ASPHD2: variants seen among roughly 807,000 people sequenced by gnomAD.
ASPHD2 encodes the protein aspartate beta-hydroxylase domain-containing protein 2.
A neutral mutation model predicts 34.6 loss-of-function variants in ASPHD2; 12 were observed. That is an observed-to-expected ratio of 0.35 (90% CI 0.22 to 0.56). ASPHD2 has a LOEUF of 0.56. ASPHD2 is among the 20% of genes least tolerant of loss of function. The pLI is 0.87. For missense variants in ASPHD2, 375 were observed against 505.0 expected (o/e 0.74, Z 2.47); for synonymous variants, 224 against 212.2 (o/e 1.06, Z -0.48).
chr22:26,433,391 G>T lies in ASPHD2; in HGVS notation c.-224-1G>T. The T allele has an allele frequency of 1.8e-6, 1 of 545,274 alleles. No homozygotes were observed. The highest frequency in any genetic ancestry group is 2.6e-5 in the South Asian group (1 of 38,852). The allele number at this position is 545,274 out of a possible 1,614,324, so 33.8% of individuals were successfully genotyped here. ...ATGCTGATTTTTTTTTTCCATCCCA[G>T]GTTTGGTTTTCCTAAACAAATCCTT... On this transcript the variant is annotated splice_acceptor_variant, in intron 1 of 3. Coordinates refer to ENST00000215906, the MANE Select transcript of ASPHD2 (RefSeq NM_020437.5). LOFTEE classifies it low-confidence loss of function (5UTR_SPLICE). The surrounding 1 kb of genome is among the most constrained non-coding windows in gnomAD (Gnocchi z 5.1).
At chr22:26,432,047 T>A (rs2084759841) in intron 1 of ASPHD2, among the ~76,000 whole-genome samples, 1 of 152,120 alleles carries the variant, frequency 6.6e-6, no homozygotes, top group East Asian at 1.9e-4. Context: ...AATACAAAAT[T>A]AGCTGGGTGT....
At chr22:26,440,764 G>A (rs1273200965) in intron 2 of ASPHD2, among the ~76,000 whole-genome samples, 3 of 152,184 alleles carry the variant, frequency 2.0e-5, no homozygotes, top group African/African-American at 7.2e-5. Context: ...CCTCAAAACG[G>A]ATTAAAAGGC....
In ASPHD2 at chr22:26,433,627, G is replaced by T; in HGVS notation, c.12G>T (p.Ala4=). 1.2e-6 allele frequency: 2 copies of T among 1,613,526 alleles called. No homozygotes were observed. Among genetic ancestry groups the T allele is most frequent in the Non-Finnish European group, 8.5e-7 (1 of 1,179,836 alleles). The change falls in exon 2 of 4, where the codon GCG becomes GCT. Residue 4 remains alanine, a synonymous_variant. Coordinates refer to ENST00000215906, the MANE Select transcript of ASPHD2 (RefSeq NM_020437.5). The surrounding 1 kb of genome is among the most constrained non-coding windows in gnomAD (Gnocchi z 5.1). MVW[A]PLGPPRTDCL... ...CCACGCTAATCTGCATGGTGTGGGC[G>T]CCCTTGGGACCCCCGAGGACTGATT...
chr22:26,432,566 G>GA (rs1392573024), intron 1 of ASPHD2, among the ~76,000 whole-genome samples: 1 of 152,194 alleles, frequency 6.6e-6, no homozygotes, highest in Non-Finnish European at 1.5e-5. Context: ...TTAGGACAAT[G>GA]AGAGTTCCGG....
At position 26,433,921 on chromosome 22, in the gene ASPHD2, G is replaced by C; in HGVS notation, c.306G>C (p.Gln102His). 6.2e-7 allele frequency: 1 copy of C among 1,613,622 alleles called. No individual in the cohort carries two copies. Among genetic ancestry groups the C allele is most frequent in the South Asian group, 1.1e-5 (1 of 91,088 alleles). ...AGGCTGCCGATGCCAACGGGCTGCA[G>C]AATGGCTACGTGTACTGCCAGTCCC... ...LMQAADANGL[Q>H]NGYVYCQSPE... Residue 102 changes from glutamine (Q) to histidine (H), a missense_variant, in exon 2 of 4, where the codon CAG (glutamine) becomes CAC (histidine). This residue lies in a region of ASPHD2 where 223 missense variants were observed against 257.8 expected (regional missense o/e 0.87). Transcript: ENST00000215906. This position sits in a 1 kb window ranked among gnomAD's most constrained non-coding sequence, Gnocchi z 5.1.
intron 2 of ASPHD2, among the ~76,000 whole-genome samples, chr22:26,442,047 G>A (rs1302031170): frequency 1.5e-4 from 22 of 149,356 alleles, no homozygotes; most frequent in Middle Eastern, 3.5e-3. Flanking sequence ...TGGAGGTTGC[G>A]GTGAGCCGAG....
rs2084777198 is a variant in ASPHD2, at chr22:26,434,291, G to A, written c.676G>A (p.Gly226Arg). The A allele has an allele frequency of 2.5e-6, 4 of 1,614,196 alleles. No individual in the cohort carries two copies. The highest frequency in any genetic ancestry group is 1.3e-5 in the African/African-American group (1 of 75,048). The change falls in exon 2 of 4, where the codon GGG becomes AGG. Residue 226 changes from glycine (G) to arginine (R), a missense_variant. Around this residue, in one of 3 missense-constraint regions of ASPHD2, gnomAD observed 142 missense variants for 217.9 expected, o/e 0.65. Coordinates refer to ENST00000215906, the MANE Select transcript of ASPHD2 (RefSeq NM_020437.5). ...QGWKMNSTPS[G>R]EWFTFYLVNQ... ...ATGGAAAATGAACAGCACCCCCAGC[G>A]GGGAGTGGTTCACCTTTTACTTGGT... is the stretch of plus-strand genomic sequence containing the variant.
chr22:26,430,718 C>T (rs1004830713), intron 1 of ASPHD2, among the ~76,000 whole-genome samples: 1 of 152,198 alleles, frequency 6.6e-6, no homozygotes, highest in Non-Finnish European at 1.5e-5. Context: ...AATCCACCTC[C>T]GGGTGCAGGG....
chr22:26,437,247 A>T (rs1185177879), intron 2 of ASPHD2, among the ~76,000 whole-genome samples: 2 of 152,200 alleles, frequency 1.3e-5, no homozygotes. Flanking sequence ...AGGTAGAGGC[A>T]CCTGCAGTTC....
chr22:26,434,082 T>C lies in ASPHD2; in HGVS notation c.467T>C (p.Leu156Pro), dbSNP rs776033454. The C allele has an allele frequency of 6.2e-7, 1 of 1,613,194 alleles. No individual in the cohort carries two copies. The highest frequency in any genetic ancestry group is 1.1e-5 in the South Asian group (1 of 91,082). ...GGCATCCGCGAGCAGGGCCGGTACC[T>C]CAACAGCCGGCCCTCCATCCAGAAG... ...HKGIREQGRY[L>P]NSRPSIQKPE... is the part of the protein sequence containing the mutation. The change falls in exon 2 of 4, where the codon CTC becomes CCC. Residue 156 changes from leucine (L) to proline (P), a missense_variant. Transcript: ENST00000215906.
chr22:26,434,686 G>C (rs1452704456), intron 2 of ASPHD2, among the ~76,000 whole-genome samples, 185 bp downstream of exon 2: 3 of 152,204 alleles, frequency 2.0e-5, no homozygotes, highest in Non-Finnish European at 4.4e-5. Flanking sequence ...GAAATCTTGT[G>C]ATCAGTGCAA....
Position 26,443,344 on chromosome 22 carries a change from A to T in ASPHD2, c.*138A>T. On this transcript the variant is annotated 3_prime_UTR_variant, in exon 4 of 4. Transcript: ENST00000215906. ...GGAAAGCTCTTATTTGGGATTTTATATCATGTCGGGTCCCTCTTTCCCTTG... is the reference window on the plus strand; with the variant it reads ...GGAAAGCTCTTATTTGGGATTTTATTTCATGTCGGGTCCCTCTTTCCCTTG... 2 of 679,514 alleles carry T rather than the reference A, an allele frequency of 2.9e-6. No individual in the cohort carries two copies. The highest frequency in any genetic ancestry group is 1.8e-5 in the South Asian group (1 of 55,484). The allele number at this position is 679,514 out of a possible 1,614,324, so 42.1% of individuals were successfully genotyped here.
At chr22:26,441,478 T>A (rs1374134702) in intron 2 of ASPHD2, among the ~76,000 whole-genome samples, 7 of 95,634 alleles carry the variant, frequency 7.3e-5, no homozygotes, top group South Asian at 3.8e-4. Context: ...ACCTTGTATC[T>A]AAAAAAAAAA....
At position 26,432,156 on chromosome 22, in the gene ASPHD2, T is replaced by C. The variant is rs9608490; in HGVS notation, c.-224-1236T>C. On this transcript the variant is annotated intron_variant, in intron 1 of 3. Transcript: ENST00000215906. The stretch of plus-strand genomic sequence containing the variant: ...GTTGTGGTGAGCCAAGATTGCACCA[T>C]TGCACCCCAGCCTGGGCGATAAGAG... Among the ~76,000 whole-genome samples the C allele has an allele frequency of 3.7e-3, 568 of 152,250 alleles. 3 individuals carry two copies. The highest frequency in any genetic ancestry group is 0.014 in the Middle Eastern group (4 of 294).
At chr22:26,441,673 C>T (rs1237707301) in intron 2 of ASPHD2, among the ~76,000 whole-genome samples, 3 of 152,056 alleles carry the variant, frequency 2.0e-5, no homozygotes, top group South Asian at 4.2e-4. Context: ...CGCCTGTAAT[C>T]CCAGCACTTT....
chr22:26,442,581 C>T lies in ASPHD2; in HGVS notation c.1000+9C>T. 1 of 1,555,846 alleles carries T rather than the reference C, an allele frequency of 6.4e-7. No individual in the cohort carries two copies. Among genetic ancestry groups the T allele is most frequent in the Non-Finnish European group, 8.7e-7 (1 of 1,144,814 alleles). On this transcript the variant is annotated intron_variant, in intron 3 of 3. Transcript: ENST00000215906. ...TGCTGCGTTCCATGAAGGTGAGTGG[C>T]TGCCTTTCCCACTTCCTTTTTTTCA...
chr22:26,438,506 T>C (rs1445763228), intron 2 of ASPHD2, among the ~76,000 whole-genome samples: 5 of 116,676 alleles, frequency 4.3e-5, no homozygotes, highest in East Asian at 5.1e-4. Flanking sequence ...CACATACATA[T>C]ATATACATAC....
chr22:26,436,927 A>G (rs893349660), intron 2 of ASPHD2, among the ~76,000 whole-genome samples: 2 of 152,022 alleles, frequency 1.3e-5, no homozygotes, highest in African/African-American at 4.8e-5. Flanking sequence ...TTCTCAGCCC[A>G]GCTAGGTACT....
At position 26,442,596 on chromosome 22, in the gene ASPHD2, CCT is replaced by C. The variant is rs1491288974; in HGVS notation, c.1000+25_1000+26del. The C allele has an allele frequency of 3.3e-6, 5 of 1,516,346 alleles. No homozygotes were observed. The African/African-American group carries it at 7.0e-5, about 21-fold the overall frequency. 93.9% of individuals were successfully genotyped at this position (1,516,346 alleles called of 1,614,324 possible). A position where few individuals can be genotyped will look rare whatever the true frequency, so the allele number is the denominator to read the frequency against. ...AGGTGAGTGGCTGCCTTTCCCACTT[CCT>C]TTTTTTCAATGAATAGACTTTTATT... On this transcript the variant is annotated intron_variant, in intron 3 of 3. Transcript: ENST00000215906.
Sources: allele counts gnomAD v4.1 joint callset (sites outside exome capture counted in the v4.1 genomes callset), GRCh38; gene constraint gnomAD v4.1.1; regional missense constraint gnomAD v4.1.1; non-coding constraint Gnocchi (gnomAD v3.1); transcripts MANE v1.5; gene names NCBI Gene and HGNC (gene_info 2026-07-23, HGNC 2026-07-21).